UMAD1: variants seen among roughly 807,000 people sequenced by gnomAD.
UMAD1 encodes the protein UBAP1-MVB12-associated (UMA) domain containing 1.
Under a neutral mutation model 6.1 loss-of-function variants are expected in UMAD1, and 8 were observed. That is an observed-to-expected ratio of 1.30 (90% CI 0.76 to 2.35). The LOEUF is 2.35. Ranked by LOEUF, UMAD1 falls within the 30% of genes most tolerant of loss-of-function variation. The pLI is 0.00. For missense variants in UMAD1, 130 were observed against 78.4 expected (o/e 1.66, Z -2.49); for synonymous variants, 56 against 31.4 (o/e 1.78, Z -2.61).
intron 3 of UMAD1, among the ~76,000 whole-genome samples, chr7:7,807,557 A>C (rs962644871): frequency 6.6e-6 from 1 of 152,210 alleles, no homozygotes; most frequent in Admixed American, 6.5e-5. Flanking sequence ...TGTGTTCTCC[A>C]TTCAAGTACA....
intron 3 of UMAD1, among the ~76,000 whole-genome samples, chr7:7,803,021 A>G (rs1171353471): frequency 2.6e-5 from 4 of 152,220 alleles, no homozygotes; most frequent in African/African-American, 4.8e-5. Flanking sequence ...GAAACTGTGC[A>G]TTCATTCTTT....
intron 2 of UMAD1, among the ~76,000 whole-genome samples, chr7:7,770,692 T>C (rs1042300430): frequency 6.6e-6 from 1 of 152,038 alleles, no homozygotes; most frequent in African/African-American, 2.4e-5. Context: ...GAATGATGAT[T>C]CTTGTGAATT....
At chr7:7,783,624 G>C (rs374456137) in intron 2 of UMAD1, among the ~76,000 whole-genome samples, 1 of 152,108 alleles carries the variant, frequency 6.6e-6, no homozygotes. Context: ...GCTTAAAAAC[G>C]AACTATTGGG....
chr7:7,748,294 T>C (rs1295278625), intron 2 of UMAD1, among the ~76,000 whole-genome samples: 2 of 152,220 alleles, frequency 1.3e-5, no homozygotes, highest in South Asian at 4.1e-4. Context: ...CTTTTTGTTA[T>C]GTAATTGTTT....
In UMAD1 at chr7:7,873,361, T is replaced by C. The variant is rs2115343354; in HGVS notation, c.157-3920T>C. On this transcript the variant is annotated intron_variant, in intron 3 of 3. Transcript: ENST00000682710. ...CAAACGTTGCTTCCCTTTCAGTTTTTCTATATAAACCAGTGTATAGAGAAG... is the reference window on the plus strand; with the variant it reads ...CAAACGTTGCTTCCCTTTCAGTTTTCCTATATAAACCAGTGTATAGAGAAG... Among the ~76,000 whole-genome samples the C allele has an allele frequency of 1.3e-5, 2 of 152,236 alleles. 1 individual carries two copies. Among genetic ancestry groups the C allele is most frequent in the Middle Eastern group, 6.8e-3 (2 of 294 alleles).
At chr7:7,725,164 C>G (rs1031076553) in intron 2 of UMAD1, among the ~76,000 whole-genome samples, 3 of 152,182 alleles carry the variant, frequency 2.0e-5, no homozygotes, top group Non-Finnish European at 4.4e-5. Context: ...GCATTTGGCT[C>G]CTCCTACAAC....
At chr7:7,851,993 G>A (rs1207594036) in intron 3 of UMAD1, among the ~76,000 whole-genome samples, 1 of 152,088 alleles carries the variant, frequency 6.6e-6, no homozygotes, top group African/African-American at 2.4e-5. Flanking sequence ...TTTCTTCTAA[G>A]AGTTTTATAT....
intron 3 of UMAD1, among the ~76,000 whole-genome samples, chr7:7,802,596 C>A (rs1194124489): frequency 6.6e-6 from 1 of 152,140 alleles, no homozygotes; most frequent in African/African-American, 2.4e-5. Context: ...AAATAATCAT[C>A]TTTAAGACTT....
At chr7:7,699,425 A>G (rs972965638) in intron 2 of UMAD1, among the ~76,000 whole-genome samples, 1 of 152,206 alleles carries the variant, frequency 6.6e-6, no homozygotes, top group African/African-American at 2.4e-5. Flanking sequence ...TAGAAGTACA[A>G]TTTTGTTTAG....
At chr7:7,731,670 T>C (rs1781261870) in intron 2 of UMAD1, among the ~76,000 whole-genome samples, 1 of 151,702 alleles carries the variant, frequency 6.6e-6, no homozygotes, top group African/African-American at 2.4e-5. Context: ...TAAAAGAGAG[T>C]TTTCAGAAAA....
At chr7:7,650,934 T>C (rs1238824871) in intron 1 of UMAD1, among the ~76,000 whole-genome samples, 1 of 152,204 alleles carries the variant, frequency 6.6e-6, no homozygotes, top group Non-Finnish European at 1.5e-5. Flanking sequence ...GGTTAATGTA[T>C]AGTCAGATTT....
intron 2 of UMAD1, among the ~76,000 whole-genome samples, chr7:7,723,759 C>G (rs898607249): frequency 2.6e-5 from 4 of 152,314 alleles, no homozygotes; most frequent in Admixed American, 2.0e-4. Context: ...TGGTGGCACT[C>G]AGCCGTCAAA....
intron 1 of UMAD1, among the ~76,000 whole-genome samples, chr7:7,643,874 T>A (rs534955018): frequency 1.7e-4 from 26 of 152,186 alleles, no homozygotes; most frequent in Non-Finnish European, 3.1e-4. Context: ...ATTCCTGCTC[T>A]GGAACTTGCC....
At chr7:7,692,572 T>G (rs987254865) in intron 2 of UMAD1, 2 of 152,168 alleles carry the variant, frequency 1.3e-5, no homozygotes, top group African/African-American at 4.8e-5. Flanking sequence ...AAATTCCACT[T>G]TTAGTAATTT....
rs558001523 is a variant in UMAD1 at position 7,856,530 on chromosome 7, G to C, written c.157-20751G>C. The stretch of plus-strand genomic sequence containing the variant: ...GTCCCTCCCGCAACATATGGGGATT[G>C]TGGAGATTACAATTCAAGATGAGAT... On this transcript the variant is annotated intron_variant, in intron 3 of 3. Coordinates refer to ENST00000682710, the MANE Select transcript of UMAD1 (RefSeq NM_001302348.2). Among the ~76,000 whole-genome samples, 3 of 152,330 alleles carry C rather than the reference G, an allele frequency of 2.0e-5. No homozygotes were observed. The South Asian group carries it at 6.2e-4, about 32-fold the overall frequency.
At chr7:7,724,792 C>T in intron 2 of UMAD1, among the ~76,000 whole-genome samples, 1 of 152,252 alleles carries the variant, frequency 6.6e-6, no homozygotes, top group East Asian at 1.9e-4. Context: ...TTGGCAAATG[C>T]CCTTTTCTCC....
intron 2 of UMAD1, among the ~76,000 whole-genome samples, chr7:7,726,748 C>T (rs1378793258): frequency 1.3e-5 from 2 of 152,160 alleles, no homozygotes; most frequent in African/African-American, 2.4e-5. Context: ...GACACAACAA[C>T]GATTCCATTA....
At chr7:7,827,686 G>C (rs896024194) in intron 3 of UMAD1, among the ~76,000 whole-genome samples, 1 of 152,088 alleles carries the variant, frequency 6.6e-6, no homozygotes, top group Non-Finnish European at 1.5e-5. Flanking sequence ...TTATTTAATA[G>C]TAAACAAATT....
intron 2 of UMAD1, among the ~76,000 whole-genome samples, chr7:7,781,730 T>G (rs749596831): frequency 5.1e-4 from 77 of 152,216 alleles, no homozygotes; most frequent in African/African-American, 1.8e-3. Context: ...TAATTTTGTA[T>G]TCATCCTTTT....
Sources: allele counts gnomAD v4.1 joint callset (sites outside exome capture counted in the v4.1 genomes callset), GRCh38; gene constraint gnomAD v4.1.1; transcripts MANE v1.5; gene names NCBI Gene and HGNC (gene_info 2026-07-23, HGNC 2026-07-21).